Variants in NAV3 observed in about 807,000 individuals in gnomAD.
The protein encoded by NAV3 is pore membrane and/or filament interacting like protein 1.
Under a neutral mutation model 244.7 loss-of-function variants are expected in NAV3, and 87 were observed. The observed-to-expected ratio is 0.36, with a 90% confidence interval of 0.30 to 0.42. The LOEUF (loss-of-function observed/expected upper bound fraction) is 0.42, where lower values mean the gene tolerates loss of function less well. Among genes scored for constraint, NAV3 ranks in the 20% least tolerant of loss-of-function variants. The pLI is 1.00. For synonymous variants in NAV3, 1,126 were observed against 1,042.2 expected (o/e 1.08, Z -1.55); for missense variants, 2,663 against 2,893.3 (o/e 0.92, Z 1.83).
rs546398646 is a variant in NAV3 at position 77,789,783 on chromosome 12, C to T, written c.73-150536C>T. 7.7e-4 allele frequency among the ~76,000 whole-genome samples: 108 copies of T among 139,902 alleles called. 1 individual carries two copies. Among genetic ancestry groups the T allele is most frequent in the Admixed American group, 1.9e-3 (24 of 12,874 alleles). The allele number at this position is 139,902 out of a possible 152,430, so 91.8% of individuals were successfully genotyped here. Reference sequence around the variant, plus strand: ...TGAGATCGTGCCATTGCACTGCAGCCTGGGCAACAAGAGCAAAACTTCGTC... The same window carrying T: ...TGAGATCGTGCCATTGCACTGCAGCTTGGGCAACAAGAGCAAAACTTCGTC... On this transcript the variant is annotated intron_variant, in intron 2 of 8. Coordinates refer to the NAV3 transcript ENST00000550042.
chr12:77,755,611 C>CCT lies in NAV3; in HGVS notation c.72+183345_72+183346insCT, dbSNP rs1565800434. On this transcript the variant is annotated intron_variant, in intron 2 of 8. Transcript: ENST00000550042. ...CCTCCCTCCCTCCCTCCCTCCCTCC[C>CCT]TCCTTCCTTCCTTCCTTCCTTCCTT... Among the ~76,000 whole-genome samples, 24 of 38,246 alleles carry CCT rather than the reference C, an allele frequency of 6.3e-4. 4 individuals are homozygous for CCT. Among genetic ancestry groups the CCT allele is most frequent in the South Asian group, 2.9e-3 (3 of 1,032 alleles). 25.1% of individuals were successfully genotyped at this position (38,246 alleles called of 152,430 possible).
chr12:77,652,190 A>G (rs1317655648), intron 2 of NAV3, among the ~76,000 whole-genome samples: 1 of 152,206 alleles, frequency 6.6e-6, no homozygotes, highest in Non-Finnish European at 1.5e-5. Flanking sequence ...CAAATTCCCA[A>G]TATCATAAAT....
intron 2 of NAV3, among the ~76,000 whole-genome samples, chr12:77,679,292 A>T (rs1315348804): frequency 6.6e-6 from 1 of 152,188 alleles, no homozygotes; most frequent in East Asian, 1.9e-4. Flanking sequence ...AACACGAAGG[A>T]TAGGAAGACA....
chr12:77,844,000 A>G (rs1432354372), intron 1 of NAV3, among the ~76,000 whole-genome samples: 1 of 152,228 alleles, frequency 6.6e-6, no homozygotes, highest in Non-Finnish European at 1.5e-5. Context: ...TACAGTGGCT[A>G]GGGGTCGTCC....
chr12:77,840,014 A>G (rs929094783), intron 1 of NAV3, among the ~76,000 whole-genome samples: 4 of 152,236 alleles, frequency 2.6e-5, no homozygotes, highest in African/African-American at 7.2e-5. Context: ...TGGAGGTTGT[A>G]GTGAGCCGAG....
chr12:77,878,289 G>T (rs1476822599), intron 1 of NAV3, among the ~76,000 whole-genome samples: 1 of 152,046 alleles, frequency 6.6e-6, no homozygotes, highest in Non-Finnish European at 1.5e-5. Flanking sequence ...TGCACTGGCA[G>T]ATCTCAGTTC....
chr12:78,037,108 C>A (rs762423094), intron 9 of NAV3: 2 of 703,036 alleles, frequency 2.8e-6, no homozygotes, highest in South Asian at 1.5e-5. Context: ...CTGTATCACA[C>A]CAGCAGCTCA....
intron 2 of NAV3, among the ~76,000 whole-genome samples, chr12:77,745,858 A>G (rs1279859106): frequency 6.6e-6 from 1 of 151,990 alleles, no homozygotes; most frequent in Non-Finnish European, 1.5e-5. Context: ...AAATGGAATA[A>G]CAGTGAACTC....
chr12:78,100,032 C>A (rs2138190316), intron 12 of NAV3, among the ~76,000 whole-genome samples: 1 of 151,770 alleles, frequency 6.6e-6, no homozygotes, highest in Non-Finnish European at 1.5e-5. Flanking sequence ...AAAATAAAAG[C>A]AAATAAAAAG....
intron 38 of NAV3, among the ~76,000 whole-genome samples, chr12:78,204,696 C>T (rs1171141384): frequency 1.3e-5 from 2 of 151,988 alleles, no homozygotes; most frequent in East Asian, 3.9e-4. Flanking sequence ...TATATTCTCC[C>T]CCAAAAGTTG....
intron 2 of NAV3, among the ~76,000 whole-genome samples, chr12:77,821,768 C>T (rs998240336): frequency 6.6e-6 from 1 of 152,140 alleles, no homozygotes; most frequent in Non-Finnish European, 1.5e-5. Flanking sequence ...ACATTTTTGG[C>T]CGCATTTCCC....
chr12:78,180,095 T>C (rs553059469), intron 29 of NAV3, among the ~76,000 whole-genome samples: 20 of 152,160 alleles, frequency 1.3e-4, no homozygotes, highest in Non-Finnish European at 2.9e-4. Flanking sequence ...GAGGAAACTA[T>C]AGAAATTCAA....
chr12:78,176,409 T>C, intron 25 of NAV3, 30 bp from the exon 26 acceptor site: 2 of 1,610,832 alleles, frequency 1.2e-6, no homozygotes, highest in African/African-American at 2.7e-5. Context: ...CCTTGATTTG[T>C]AATTCCACAC....
In NAV3 at chr12:77,940,426, C is replaced by T. The variant is rs766628647; in HGVS notation, c.351C>T (p.Ile117=). 8 of 1,610,590 alleles carry T rather than the reference C, an allele frequency of 5.0e-6. No homozygotes were observed. Among genetic ancestry groups the T allele is most frequent in the Non-Finnish European group, 5.1e-6 (6 of 1,177,246 alleles). Residue 117 remains isoleucine, a synonymous_variant, in exon 2 of 40, where the codon ATC becomes ATT. Coordinates refer to ENST00000397909, the MANE Select transcript of NAV3 (RefSeq NM_001024383.2). The part of the protein sequence containing the change: ...IADGVLLAEI[I]QIIANEKVED... ...ATGGAGTACTCCTAGCAGAAATCAT[C>T]CAGATTATTGGTAAGCCCTTCCTTC...
chr12:77,698,092 G>A (rs573611518), intron 2 of NAV3, among the ~76,000 whole-genome samples: 1 of 152,170 alleles, frequency 6.6e-6, no homozygotes, highest in Admixed American at 6.6e-5. Context: ...GATCCAGAAT[G>A]TGGTATCTAA....
At chr12:78,045,386 C>T (rs897039425) in intron 9 of NAV3, among the ~76,000 whole-genome samples, 8 of 152,218 alleles carry the variant, frequency 5.3e-5, no homozygotes, top group South Asian at 2.1e-4. Context: ...ACCTCCGCCT[C>T]CTAAGTACAA....
intron 8 of NAV3, among the ~76,000 whole-genome samples, chr12:78,009,463 A>G (rs1002098182): frequency 4.0e-5 from 6 of 148,786 alleles, no homozygotes; most frequent in African/African-American, 1.5e-4. Context: ...AAAAAAAAAA[A>G]AAAAAAAAGA....
At chr12:78,000,705 G>T (rs1333937091) in intron 7 of NAV3, among the ~76,000 whole-genome samples, 1 of 146,834 alleles carries the variant, frequency 6.8e-6, no homozygotes, top group Non-Finnish European at 1.5e-5. Context: ...GGGTTTCACC[G>T]TGTTAGCCAG....
intron 34 of NAV3, among the ~76,000 whole-genome samples, chr12:78,191,780 A>G (rs1458089455): frequency 6.6e-5 from 10 of 152,148 alleles, no homozygotes; most frequent in Non-Finnish European, 1.3e-4. Flanking sequence ...ACAGTTTTAA[A>G]TATTTTCAGC....
Sources: gnomAD v4.1 joint callset for allele counts (sites outside exome capture counted in the v4.1 genomes callset) on GRCh38, gnomAD v4.1.1 for gene constraint, MANE v1.5 for transcripts, NCBI Gene and HGNC (gene_info 2026-07-23, HGNC 2026-07-21) for gene names.